The following DLC1 variants were observed in gnomAD, a reference collection of about 807,000 sequenced individuals.
DLC1 encodes the protein DLC1 Rho GTPase activating protein, also known as rho GTPase-activating protein 7.
Under a neutral mutation model 140.3 loss-of-function variants are expected in DLC1, and 54 were observed. The ratio of observed to expected loss-of-function variants is 0.38; its 90% CI spans 0.31 to 0.48. The LOEUF (loss-of-function observed/expected upper bound fraction) is 0.48, where lower values mean the gene tolerates loss of function less well. DLC1 is among the 20% of genes least tolerant of loss of function. DLC1 has a pLI of 0.96. For synonymous variants in DLC1, 986 were observed against 728.1 expected (o/e 1.35, Z -5.70); for missense variants, 2,536 against 1,907.0 (o/e 1.33, Z -6.14).
intron 5 of DLC1, among the ~76,000 whole-genome samples, chr8:13,200,926 G>T (rs1391778031): frequency 6.6e-6 from 1 of 152,122 alleles, no homozygotes; most frequent in African/African-American, 2.4e-5. Context: ...GCATATTATA[G>T]AACCTAGGTT....
chr8:13,168,569 G>C (rs879339584), intron 5 of DLC1, among the ~76,000 whole-genome samples: 4 of 152,324 alleles, frequency 2.6e-5, no homozygotes, highest in Admixed American at 6.5e-5. Flanking sequence ...AATCAGGAAA[G>C]GGAGTGGAAA....
intron 5 of DLC1, among the ~76,000 whole-genome samples, chr8:13,223,267 T>A (rs1266175534): frequency 6.6e-6 from 1 of 152,102 alleles, no homozygotes; most frequent in Middle Eastern, 3.2e-3. Context: ...CTGTGGCCCA[T>A]CAGACTAGAA....
At position 13,499,244 on chromosome 8, in the gene DLC1, G is replaced by A. The variant is rs756639635; in HGVS notation, c.828C>T (p.Ser276=). 3.7e-6 allele frequency: 6 copies of A among 1,614,208 alleles called. No homozygotes were observed. Among genetic ancestry groups the A allele is most frequent in the Non-Finnish European group, 5.1e-6 (6 of 1,180,026 alleles). Reference sequence around the variant, plus strand: ...GGCAGGAAGGAGGCTGCAGAAGGCAGCTTCCAAAATCTGTTTTTAATAATG... The same window carrying A: ...GGCAGGAAGGAGGCTGCAGAAGGCAACTTCCAAAATCTGTTTTTAATAATG... ...GLPLLKTDFG[S]CLLQPPSCPN... The change falls in exon 2 of 18, where the codon AGC becomes AGT. Residue 276 remains serine (S), a synonymous_variant. Coordinates refer to ENST00000276297, the MANE Select transcript of DLC1 (RefSeq NM_182643.3).
chr8:13,573,259 G>C (rs889320948), intron 1 of DLC1, among the ~76,000 whole-genome samples: 1 of 152,024 alleles, frequency 6.6e-6, no homozygotes, highest in South Asian at 2.1e-4. Context: ...ATTCTTTTTG[G>C]ATTGTTCATT....
chr8:13,550,712 G>C (rs923973408), intron 1 of DLC1, among the ~76,000 whole-genome samples: 1 of 152,030 alleles, frequency 6.6e-6, no homozygotes, highest in Non-Finnish European at 1.5e-5. Flanking sequence ...ACTGCTGAAT[G>C]GACGAATCAT....
intron 4 of DLC1, among the ~76,000 whole-genome samples, chr8:13,320,474 C>A (rs572647559): frequency 6.6e-6 from 1 of 152,206 alleles, no homozygotes; most frequent in Middle Eastern, 3.4e-3. Flanking sequence ...AAAACAATGT[C>A]TTTTTTTCTT....
intron 5 of DLC1, among the ~76,000 whole-genome samples, chr8:13,153,915 A>T (rs911487219): frequency 6.6e-6 from 1 of 152,122 alleles, no homozygotes; most frequent in African/African-American, 2.4e-5. Context: ...AGTCCCCACT[A>T]GATTAGCTAG....
chr8:13,149,460 C>G (rs965498659), intron 5 of DLC1, among the ~76,000 whole-genome samples: 3 of 152,180 alleles, frequency 2.0e-5, no homozygotes, highest in African/African-American at 7.2e-5. Flanking sequence ...CTCCCTAGCC[C>G]TGTATTGAGC....
intron 3 of DLC1, among the ~76,000 whole-genome samples, chr8:13,396,769 A>G (rs906202107): frequency 6.6e-6 from 1 of 152,152 alleles, no homozygotes; most frequent in African/African-American, 2.4e-5. Flanking sequence ...ACAAATCTTT[A>G]TTATTTTCTC....
At chr8:13,579,090 G>A (rs1011329987) in intron 1 of DLC1, among the ~76,000 whole-genome samples, 1 of 150,842 alleles carries the variant, frequency 6.6e-6, no homozygotes, top group East Asian at 2.0e-4. Context: ...GGATTTAGGA[G>A]CTCTGTGCCA....
chr8:13,343,895 A>G (rs931234458), intron 4 of DLC1, among the ~76,000 whole-genome samples: 1 of 152,108 alleles, frequency 6.6e-6, no homozygotes, highest in African/African-American at 2.4e-5. Flanking sequence ...TCATTTTTAC[A>G]TCTTTAGGGA....
At chr8:13,290,517 T>A (rs947676850) in intron 5 of DLC1, among the ~76,000 whole-genome samples, 10 of 152,100 alleles carry the variant, frequency 6.6e-5, no homozygotes, top group Non-Finnish European at 1.3e-4. Context: ...TTGAAAAAAA[T>A]TATTGAGTGT....
chr8:13,323,674 A>G (rs925137755), intron 4 of DLC1, among the ~76,000 whole-genome samples: 2 of 152,200 alleles, frequency 1.3e-5, no homozygotes, highest in Non-Finnish European at 2.9e-5. Flanking sequence ...GTGAGCATGC[A>G]TAGTCAGGCA....
chr8:13,378,842 A>G (rs370923166), intron 4 of DLC1, among the ~76,000 whole-genome samples: 78 of 152,298 alleles, frequency 5.1e-4, no homozygotes, highest in South Asian at 1.2e-3. Context: ...TACAGCAAAT[A>G]TAATTACGAA....
intron 5 of DLC1, among the ~76,000 whole-genome samples, chr8:13,198,387 C>A (rs1827188896): frequency 6.6e-6 from 1 of 152,124 alleles, no homozygotes; most frequent in South Asian, 2.1e-4. Context: ...ATTACCTCTC[C>A]CAATTGAACA....
At chr8:13,514,884 C>T (rs1477428635), upstream of DLC1, 1 of 372,482 alleles carries the variant, frequency 2.7e-6, no homozygotes. Flanking sequence ...CACAACCAGG[C>T]CCAGATTGCC....
rs112689031 is a variant in DLC1, at chr8:13,476,923, A to G, written c.1023+22126T>C. 6.5e-3 allele frequency among the ~76,000 whole-genome samples: 995 copies of G among 152,346 alleles called. 8 individuals are homozygous for G. The highest frequency in any genetic ancestry group is 0.02 in the South Asian group (98 of 4,832). On this transcript the variant is annotated intron_variant, in intron 2 of 17. Transcript: ENST00000276297. ...TGCCAAGGACATAAGAAGACAGCAC[A>G]GTAAGTGAATTTTTTTCTCTTTTTC...
chr8:13,190,754 G>A (rs1585877136), intron 5 of DLC1, among the ~76,000 whole-genome samples: 2 of 152,146 alleles, frequency 1.3e-5, no homozygotes, highest in East Asian at 1.9e-4. Flanking sequence ...GGCCCGAGAG[G>A]TGAGTGGAAG....
chr8:13,430,003 T>G (rs1265996952), intron 2 of DLC1, among the ~76,000 whole-genome samples: 1 of 152,174 alleles, frequency 6.6e-6, no homozygotes, highest in African/African-American at 2.4e-5. Context: ...TAGATTCACC[T>G]CGAATCACCT....
Sources: gnomAD v4.1 joint callset for allele counts (sites outside exome capture counted in the v4.1 genomes callset) on GRCh38, gnomAD v4.1.1 for gene constraint, MANE v1.5 for transcripts, NCBI Gene and HGNC (gene_info 2026-07-23, HGNC 2026-07-21) for gene names.